Variants in TMOD2 observed in about 807,000 individuals in gnomAD.
The protein encoded by TMOD2 is tropomodulin-2.
In TMOD2, 22 loss-of-function variants were observed where a neutral mutation model predicts 39.9. The ratio of observed to expected loss-of-function variants is 0.55; its 90% CI spans 0.39 to 0.79. TMOD2 has a LOEUF of 0.79. TMOD2 is among the 30% of genes least tolerant of loss of function. The pLI, the probability that TMOD2 is intolerant of heterozygous loss-of-function variation, is 0.00. For synonymous variants in TMOD2, 123 were observed against 146.1 expected (o/e 0.84, Z 1.14); for missense variants, 386 against 413.3 (o/e 0.93, Z 0.57).
chr15:51,801,237 TCACACACACA>T (rs546562505), intron 8 of TMOD2, among the ~76,000 whole-genome samples: 54 of 102,134 alleles, frequency 5.3e-4, no homozygotes, highest in South Asian at 1.1e-3. Context: ...TCTCTCTCTC[TCACACACACA>T]CACACACACA....
At chr15:51,796,915 A>G (rs1188222335) in intron 7 of TMOD2, among the ~76,000 whole-genome samples, 1 of 152,158 alleles carries the variant, frequency 6.6e-6, no homozygotes, top group African/African-American at 2.4e-5. Flanking sequence ...AGCCATGACG[A>G]TGTCAATGGT....
At chr15:51,799,751 G>A (rs1311113752) in intron 8 of TMOD2, among the ~76,000 whole-genome samples, 2 of 152,192 alleles carry the variant, frequency 1.3e-5, no homozygotes, top group African/African-American at 4.8e-5. Flanking sequence ...ACAAGCCAGA[G>A]AGAAATATGA....
intron 1 of TMOD2, among the ~76,000 whole-genome samples, chr15:51,753,777 A>G (rs976852215): frequency 4.6e-5 from 7 of 151,260 alleles, no homozygotes; most frequent in Non-Finnish European, 1.0e-4. Flanking sequence ...AAAAAAGGAT[A>G]GGGGTAGCAG....
At chr15:51,762,842 T>C (rs953871992) in intron 1 of TMOD2, among the ~76,000 whole-genome samples, 42 of 152,240 alleles carry the variant, frequency 2.8e-4, no homozygotes, top group African/African-American at 4.8e-4. Flanking sequence ...TATAATTATT[T>C]TGAGGTTCAT....
At chr15:51,801,281 A>T (rs2056087446) in intron 8 of TMOD2, among the ~76,000 whole-genome samples, 2 of 136,006 alleles carry the variant, frequency 1.5e-5, no homozygotes, top group African/African-American at 5.5e-5. Context: ...ACACACACAC[A>T]CACCCTGTCT....
intron 7 of TMOD2, among the ~76,000 whole-genome samples, chr15:51,791,607 A>G (rs1246599183): frequency 6.6e-6 from 1 of 152,252 alleles, no homozygotes; most frequent in Non-Finnish European, 1.5e-5. Context: ...TTCAAACTTT[A>G]CTATAAGGCT....
chr15:51,807,455 G>A (rs756758875), intron 9 of TMOD2, among the ~76,000 whole-genome samples: 2 of 152,210 alleles, frequency 1.3e-5, no homozygotes, highest in Non-Finnish European at 2.9e-5. Context: ...TCAGGAAGCT[G>A]GCTGGACACG....
intron 7 of TMOD2, among the ~76,000 whole-genome samples, chr15:51,794,036 C>A (rs2141635983): frequency 6.6e-6 from 1 of 152,320 alleles, no homozygotes; most frequent in East Asian, 1.9e-4. Flanking sequence ...GACCAAGATA[C>A]AGGATTATTC....
chr15:51,769,562 T>G (rs1002215632), intron 3 of TMOD2, among the ~76,000 whole-genome samples: 2 of 152,152 alleles, frequency 1.3e-5, no homozygotes, highest in Admixed American at 6.5e-5. Context: ...AGGATTGAGC[T>G]CTGAGCCAAG....
At chr15:51,794,567 G>A (rs555295221) in intron 7 of TMOD2, among the ~76,000 whole-genome samples, 1 of 152,180 alleles carries the variant, frequency 6.6e-6, no homozygotes, top group South Asian at 2.1e-4. Flanking sequence ...AAAGAAAAAA[G>A]TGGTTGTCAA....
intron 7 of TMOD2, among the ~76,000 whole-genome samples, chr15:51,787,752 C>T (rs112478421): frequency 0.032 from 4,824 of 152,294 alleles, 122 homozygotes; most frequent in Non-Finnish European, 0.05. Flanking sequence ...CTCCAGCAGA[C>T]GTGCAGCTGA....
At chr15:51,801,268 CA>C (rs1242618138) in intron 8 of TMOD2, among the ~76,000 whole-genome samples, 2 of 140,932 alleles carry the variant, frequency 1.4e-5, no homozygotes, top group African/African-American at 5.3e-5. Context: ...CACACACACA[CA>C]CACACACACA....
In TMOD2 at chr15:51,773,748, C is replaced by T. The variant is rs996679690; in HGVS notation, c.320C>T (p.Thr107Ile). 1.9e-6 allele frequency: 3 copies of T among 1,612,746 alleles called. No individual in the cohort carries two copies. Among genetic ancestry groups the T allele is most frequent in the Non-Finnish European group, 1.7e-6 (2 of 1,179,600 alleles). ...ATCCCTAAAGAAAAGCCTATAGAAA[C>T]TCGTAAAGAAGAAAAAGTGACCCTT... ...VFIPKEKPIE[T>I]RKEEKVTLDP... Residue 107 changes from threonine (T) to isoleucine (I), a missense_variant, in exon 4 of 10, where the codon ACT becomes ATT. Coordinates refer to ENST00000249700, the MANE Select transcript of TMOD2 (RefSeq NM_014548.4).
intron 1 of TMOD2, among the ~76,000 whole-genome samples, chr15:51,754,432 A>G (rs2055728398): frequency 6.6e-6 from 1 of 152,250 alleles, no homozygotes; most frequent in African/African-American, 2.4e-5. Flanking sequence ...AAAGAGGTTC[A>G]TAGAAGGCAT....
chr15:51,766,482 A>C lies in TMOD2; in HGVS notation c.41A>C (p.Asn14Thr). ...CAAAAAGAGCTGGAGAAATACAAGA[A>C]CATTGATGAAGATGAGCTTCTTGGC... The part of the protein sequence containing the change: ...PFQKELEKYK[N>T]IDEDELLGKL... Residue 14 changes from asparagine (N) to threonine (T), a missense_variant, in exon 2 of 10, where the codon AAC becomes ACC. By Grantham distance (65) the Asn-to-Thr change is moderately conservative. Transcript: ENST00000249700. The C allele has an allele frequency of 6.2e-7, 1 of 1,614,132 alleles. No individual in the cohort carries two copies. Among genetic ancestry groups the C allele is most frequent in the Non-Finnish European group, 8.5e-7 (1 of 1,179,974 alleles).
In TMOD2 at chr15:51,751,682, A is replaced by C; in HGVS notation, c.-100A>C. On this transcript the variant is annotated 5_prime_UTR_variant, in exon 1 of 10. Coordinates refer to ENST00000249700, the MANE Select transcript of TMOD2 (RefSeq NM_014548.4). Reference sequence around the variant, plus strand: ...CGGGGCTGACGGACTGACGGCCAGCACAGCCGGCTCCGGGATGAGCGCACG... The same window carrying C: ...CGGGGCTGACGGACTGACGGCCAGCCCAGCCGGCTCCGGGATGAGCGCACG... 1 of 158,100 alleles carries C rather than the reference A, an allele frequency of 6.3e-6. No homozygotes were observed. Among genetic ancestry groups the C allele is most frequent in the Non-Finnish European group, 1.4e-5 (1 of 72,340 alleles). 9.8% of individuals were successfully genotyped at this position (158,100 alleles called of 1,614,324 possible). A position where few individuals can be genotyped will look rare whatever the true frequency, so the allele number is the denominator to read the frequency against.
At chr15:51,761,256 ATGT>A (rs5812567) in intron 1 of TMOD2, among the ~76,000 whole-genome samples, 59,779 of 151,770 alleles carry the variant, frequency 0.39, 11,880 homozygotes, top group Middle Eastern at 0.45. Flanking sequence ...GGTGTGAAAA[ATGT>A]TGTGCAATAA....
intron 1 of TMOD2, among the ~76,000 whole-genome samples, chr15:51,757,452 G>A (rs1028046116): frequency 5.3e-5 from 8 of 150,578 alleles, no homozygotes; most frequent in Non-Finnish European, 8.8e-5. Flanking sequence ...CCTTCCCAAG[G>A]CTTGTATATT....
chr15:51,814,870 C>T lies in TMOD2; in HGVS notation c.*6416C>T, dbSNP rs770334945. On this transcript the variant is annotated 3_prime_UTR_variant, in exon 10 of 10. Coordinates refer to ENST00000249700, the MANE Select transcript of TMOD2 (RefSeq NM_014548.4). ...GAGGCTTTGTTCAGAGGAGGTCTGA[C>T]TATTGCACAGCCAGTTTTTTCTTCC... is the stretch of plus-strand genomic sequence containing the variant. The T allele has an allele frequency of 7.2e-5, 11 of 152,284 alleles. No homozygotes were observed. The highest frequency in any genetic ancestry group is 1.6e-4 in the Non-Finnish European group (11 of 68,078). The allele number at this position is 152,284 out of a possible 1,614,324, so 9.4% of individuals were successfully genotyped here.
Sources: gnomAD v4.1 joint callset for allele counts (sites outside exome capture counted in the v4.1 genomes callset) on GRCh38, gnomAD v4.1.1 for gene constraint, MANE v1.5 for transcripts, NCBI Gene and HGNC (gene_info 2026-07-23, HGNC 2026-07-21) for gene names.